The following PAPOLA variants were observed in gnomAD, a reference collection of about 807,000 sequenced individuals.
The protein encoded by PAPOLA is polynucleotide adenylyltransferase alpha.
In PAPOLA, 15 loss-of-function variants were observed where a neutral mutation model predicts 100.6. The observed-to-expected ratio is 0.15, with a 90% confidence interval of 0.10 to 0.23. PAPOLA has a LOEUF of 0.23. Among genes scored for constraint, PAPOLA ranks in the 10% least tolerant of loss-of-function variants. The probability of loss-of-function intolerance (pLI) is 1.00; values close to 1 mark genes in which losing one functional copy is unlikely to be tolerated. For missense variants in PAPOLA, 533 were observed against 884.2 expected (o/e 0.60, Z 5.04); for synonymous variants, 293 against 300.0 (o/e 0.98, Z 0.24).
chr14:96,503,257 C>T (rs372260646), intron 1 of PAPOLA, among the ~76,000 whole-genome samples: 8 of 152,234 alleles, frequency 5.3e-5, no homozygotes, highest in African/African-American at 1.4e-4. Flanking sequence ...ACAGGGTGCC[C>T]TCCTCCAAAA....
rs548473882 is a variant in PAPOLA at position 96,565,824 on chromosome 14, AAAAC to A, written c.*786_*789del. On this transcript the variant is annotated 3_prime_UTR_variant, in exon 22 of 22. Transcript: ENST00000216277. ...CTTTTGCCTTCAATCTGTTGTCTTC[AAAAC>A]AAACAAACAAAAAAAGCTTCTTGCG... 6.0e-4 allele frequency: 240 copies of A among 397,642 alleles called. 1 individual carries two copies. Among genetic ancestry groups the A allele is most frequent in the African/African-American group, 4.6e-3 (222 of 48,696 alleles). 24.6% of individuals were successfully genotyped at this position (397,642 alleles called of 1,614,324 possible). A position where few individuals can be genotyped will look rare whatever the true frequency, so the allele number is the denominator to read the frequency against.
intron 1 of PAPOLA, chr14:96,504,325 A>G (rs1008451708): frequency 6.6e-6 from 1 of 152,210 alleles, no homozygotes; most frequent in African/African-American, 2.4e-5. Context: ...CTTTCCCCCA[A>G]CATTCTTTGA....
At chr14:96,532,307 T>TG (rs773525981) in intron 7 of PAPOLA, 24 bp from the exon 8 acceptor site, 128 of 1,533,184 alleles carry the variant, frequency 8.3e-5, no homozygotes, top group African/African-American at 6.2e-4. Flanking sequence ...TGTGTGTGTG[T>TG]TTTTTTTTAC....
chr14:96,548,178 G>A (rs1900540719), intron 16 of PAPOLA, among the ~76,000 whole-genome samples: 1 of 151,872 alleles, frequency 6.6e-6, no homozygotes. Flanking sequence ...TTCTCTTTTA[G>A]GACTTTTTAT....
intron 4 of PAPOLA, chr14:96,526,924 T>C (rs7142806): frequency 0.26 from 39,284 of 152,448 alleles, 5,560 homozygotes; most frequent in African/African-American, 0.39. Context: ...CCTATGTACT[T>C]AGTGCTGGCC....
chr14:96,551,428 T>A (rs879317923), intron 16 of PAPOLA, among the ~76,000 whole-genome samples: 2 of 152,220 alleles, frequency 1.3e-5, no homozygotes, highest in Non-Finnish European at 2.9e-5. Flanking sequence ...GGCATTACTC[T>A]CTCTTCCTCT....
chr14:96,533,842 C>T (rs529143652), intron 9 of PAPOLA: 7 of 981,070 alleles, frequency 7.1e-6, no homozygotes, highest in African/African-American at 3.5e-5. Context: ...CGTGAGCCAC[C>T]GCGTCCGGCT....
At chr14:96,547,765 C>T (rs1223084328) in intron 15 of PAPOLA, 32 bp from the exon 16 acceptor site, 5 of 1,545,780 alleles carry the variant, frequency 3.2e-6, no homozygotes, top group Non-Finnish European at 3.5e-6. Flanking sequence ...TAAAATGTTT[C>T]TATTTCTTGT....
intron 19 of PAPOLA, among the ~76,000 whole-genome samples, chr14:96,557,755 T>G (rs1901478158): frequency 6.6e-6 from 1 of 151,668 alleles, no homozygotes. Context: ...TCTTTTTTTT[T>G]TTTTTGGAAA....
At chr14:96,557,894 A>G (rs1566867128) in intron 19 of PAPOLA, among the ~76,000 whole-genome samples, 3 of 152,112 alleles carry the variant, frequency 2.0e-5, no homozygotes, top group South Asian at 4.1e-4. Context: ...TACAATGTAA[A>G]TGCTGTTTAA....
intron 1 of PAPOLA, among the ~76,000 whole-genome samples, chr14:96,506,030 A>G (rs1896691976): frequency 6.6e-6 from 1 of 152,048 alleles, no homozygotes; most frequent in Non-Finnish European, 1.5e-5. Flanking sequence ...CAGCCTTCCA[A>G]GTATCTGGGA....
rs540703837 is a variant in PAPOLA at position 96,515,782 on chromosome 14, C to T, written c.9-4273C>T. 5.9e-5 allele frequency among the ~76,000 whole-genome samples: 9 copies of T among 152,232 alleles called. No homozygotes were observed. The East Asian group carries it at 1.5e-3, about 26-fold the overall frequency. On this transcript the variant is annotated intron_variant, in intron 1 of 21. Transcript: ENST00000216277. ...GCTATATGTCTGGTTTGTATTTTTC[C>T]TTTTTGTGTTACGTAAATTGTAGAA...
chr14:96,549,353 A>G (rs956464427), intron 16 of PAPOLA, among the ~76,000 whole-genome samples: 5 of 149,924 alleles, frequency 3.3e-5, no homozygotes, highest in Admixed American at 1.3e-4. Context: ...GGTTCACGCC[A>G]TTCTCCTGCC....
intron 16 of PAPOLA, among the ~76,000 whole-genome samples, chr14:96,552,150 A>G (rs1900893852): frequency 6.6e-6 from 1 of 152,130 alleles, no homozygotes; most frequent in African/African-American, 2.4e-5. Context: ...GTATATTTTT[A>G]GAGTTCTCTG....
chr14:96,518,602 G>A (rs910313771), intron 1 of PAPOLA, among the ~76,000 whole-genome samples: 2 of 151,872 alleles, frequency 1.3e-5, no homozygotes, highest in African/African-American at 4.8e-5. Context: ...GTAGAGACGG[G>A]GTTTCACTGT....
chr14:96,562,710 T>C lies in PAPOLA; in HGVS notation c.2068-109T>C, dbSNP rs180875923. The C allele has an allele frequency of 2.3e-4, 146 of 641,152 alleles. 1 individual carries two copies. In the East Asian group the frequency reaches 3.8e-3, roughly 17 times the overall value. 39.7% of individuals were successfully genotyped at this position (641,152 alleles called of 1,614,324 possible). On this transcript the variant is annotated intron_variant, in intron 20 of 21. Transcript: ENST00000216277. ...TAATGTAGTCACATCTTTCTCTTGA[T>C]CCCTCCTGTCTTCCAGTTTGTCTTC...
At chr14:96,521,590 A>G (rs995799817) in intron 3 of PAPOLA, among the ~76,000 whole-genome samples, 2 of 152,068 alleles carry the variant, frequency 1.3e-5, no homozygotes, top group Non-Finnish European at 2.9e-5. Flanking sequence ...CCTGAGTTCA[A>G]GCAGTCCTCC....
At chr14:96,559,617 G>GTA (rs752338396) in intron 19 of PAPOLA, among the ~76,000 whole-genome samples, 83 of 112,150 alleles carry the variant, frequency 7.4e-4, no homozygotes, top group South Asian at 4.6e-3. Flanking sequence ...ATATATATAT[G>GTA]TATATATATA....
At chr14:96,542,055 A>C in intron 12 of PAPOLA, 188 bp from the exon 13 acceptor site, 1 of 397,142 alleles carries the variant, frequency 2.5e-6, no homozygotes, top group Non-Finnish European at 4.6e-6. Context: ...TTTCAGAAGA[A>C]TTAAACTCAC....
Sources: gnomAD v4.1 joint callset for allele counts (sites outside exome capture counted in the v4.1 genomes callset) on GRCh38, gnomAD v4.1.1 for gene constraint, MANE v1.5 for transcripts, NCBI Gene and HGNC (gene_info 2026-07-23, HGNC 2026-07-21) for gene names.